UBE2E2: variants seen among roughly 807,000 people sequenced by gnomAD.
UBE2E2 encodes ubiquitin conjugating enzyme E2 E2, also known as ubiquitin-conjugating enzyme E2 E2.
A neutral mutation model predicts 24.7 loss-of-function variants in UBE2E2; 6 were observed. The observed-to-expected ratio is 0.24, with a 90% confidence interval of 0.13 to 0.48. The LOEUF (loss-of-function observed/expected upper bound fraction) is 0.48, where lower values mean the gene tolerates loss of function less well. Among genes scored for constraint, UBE2E2 ranks in the 20% least tolerant of loss-of-function variants. The pLI, the probability that UBE2E2 is intolerant of heterozygous loss-of-function variation, is 0.99. For synonymous variants in UBE2E2, 104 were observed against 83.6 expected, an observed-to-expected ratio of 1.24 and a Z score of -1.33; for missense variants, 169 against 245.0, an observed-to-expected ratio of 0.69 and a Z score of 2.07.
At chr3:23,234,121 G>A (rs965510261) in intron 3 of UBE2E2, among the ~76,000 whole-genome samples, 8 of 151,936 alleles carry the variant, frequency 5.3e-5, no homozygotes, top group African/African-American at 1.7e-4. Context: ...TTGGGTGTGG[G>A]TTGGTGAACT....
intron 3 of UBE2E2, among the ~76,000 whole-genome samples, chr3:23,351,610 A>T (rs1286918644): frequency 3.9e-5 from 6 of 152,168 alleles, no homozygotes; most frequent in Non-Finnish European, 4.4e-5. Context: ...CAGACTTTAA[A>T]CCAACAAAGA....
At chr3:23,473,558 T>A (rs1211278054) in intron 3 of UBE2E2, among the ~76,000 whole-genome samples, 3 of 151,946 alleles carry the variant, frequency 2.0e-5, no homozygotes, top group Admixed American at 6.6e-5. Flanking sequence ...TGAAGCCAAT[T>A]TGTAGTCTCT....
chr3:23,343,865 G>A (rs1408035377), intron 3 of UBE2E2, among the ~76,000 whole-genome samples: 1 of 152,054 alleles, frequency 6.6e-6, no homozygotes, highest in East Asian at 1.9e-4. Context: ...TTTGAGATTC[G>A]TACTTATTTT....
chr3:23,219,984 G>A (rs1410232896), intron 3 of UBE2E2, among the ~76,000 whole-genome samples: 1 of 152,044 alleles, frequency 6.6e-6, no homozygotes, highest in African/African-American at 2.4e-5. Context: ...CTGAATTTTG[G>A]TGCATCTCTT....
intron 4 of UBE2E2, among the ~76,000 whole-genome samples, chr3:23,507,942 A>G (rs1315141554): frequency 6.6e-6 from 1 of 152,226 alleles, no homozygotes; most frequent in Non-Finnish European, 1.5e-5. Context: ...TGTTATATCT[A>G]CGTTAAATAA....
intron 3 of UBE2E2, among the ~76,000 whole-genome samples, chr3:23,218,179 A>T (rs1696530688): frequency 6.6e-6 from 1 of 152,100 alleles, no homozygotes; most frequent in Non-Finnish European, 1.5e-5. Context: ...TTCTGAGTTT[A>T]CTGATCTTAC....
chr3:23,217,989 G>T (rs1323025871), intron 3 of UBE2E2, among the ~76,000 whole-genome samples: 1 of 152,066 alleles, frequency 6.6e-6, no homozygotes, highest in Non-Finnish European at 1.5e-5. Flanking sequence ...TTAGAAGATG[G>T]CTGTTTGGTT....
rs1313470736 is a variant in UBE2E2 at position 23,583,919 on chromosome 3, C to T, written c.509-5815C>T. Among the ~76,000 whole-genome samples the T allele has an allele frequency of 1.3e-5, 2 of 152,112 alleles. No individual in the cohort carries two copies. Among genetic ancestry groups the T allele is most frequent in the East Asian group, 1.9e-4 (1 of 5,194 alleles). ...GAATGCATTTTATTTCTTTCTCTTG[C>T]CTGATTGCTCTGGCTAAGAATTCCA... On this transcript the variant is annotated intron_variant, in intron 5 of 5. Coordinates refer to ENST00000396703, the MANE Select transcript of UBE2E2 (RefSeq NM_152653.4). The surrounding 1 kb of genome is among the most constrained non-coding windows in gnomAD (Gnocchi z 4.1).
At chr3:23,562,535 T>G (rs1559422741) in intron 5 of UBE2E2, among the ~76,000 whole-genome samples, 1 of 152,168 alleles carries the variant, frequency 6.6e-6, no homozygotes, top group Non-Finnish European at 1.5e-5. Context: ...ATTCTCTTTT[T>G]TGGTTGTATC....
At chr3:23,238,951 A>C (rs1290374308) in intron 3 of UBE2E2, among the ~76,000 whole-genome samples, 1 of 152,198 alleles carries the variant, frequency 6.6e-6, no homozygotes, top group Admixed American at 6.5e-5. Context: ...TAGCCGGAGA[A>C]AGAAGATAGT....
chr3:23,571,346 G>C (rs532744366), intron 5 of UBE2E2, among the ~76,000 whole-genome samples: 4 of 125,012 alleles, frequency 3.2e-5, no homozygotes, highest in Non-Finnish European at 6.4e-5. Flanking sequence ...CTAGAATGCA[G>C]TGGCACAATC....
chr3:23,271,356 C>T (rs905377022), intron 3 of UBE2E2, among the ~76,000 whole-genome samples: 5 of 152,152 alleles, frequency 3.3e-5, no homozygotes, highest in Non-Finnish European at 5.9e-5. Flanking sequence ...CAGACCTTCA[C>T]GGTGAGTGTT....
At chr3:23,428,013 A>G (rs1697968616) in intron 3 of UBE2E2, among the ~76,000 whole-genome samples, 1 of 152,236 alleles carries the variant, frequency 6.6e-6, no homozygotes. Context: ...GTGATCCAGC[A>G]GGCAGAAAAT....
At chr3:23,484,930 G>T (rs1699330066) in intron 3 of UBE2E2, among the ~76,000 whole-genome samples, 1 of 152,110 alleles carries the variant, frequency 6.6e-6, no homozygotes, top group Non-Finnish European at 1.5e-5. Context: ...GGGAGCTACA[G>T]TTGAAGAAGA....
At chr3:23,512,515 G>A (rs1158986417) in intron 4 of UBE2E2, among the ~76,000 whole-genome samples, 3 of 140,860 alleles carry the variant, frequency 2.1e-5, no homozygotes, top group Non-Finnish European at 3.1e-5. Flanking sequence ...CTAGTATTAC[G>A]GGCATGAGCC....
At chr3:23,496,743 T>A (rs1294737959) in intron 3 of UBE2E2, among the ~76,000 whole-genome samples, 1 of 152,158 alleles carries the variant, frequency 6.6e-6, no homozygotes, top group East Asian at 1.9e-4. Flanking sequence ...CTTCTGGTGA[T>A]ACACACATGT....
intron 3 of UBE2E2, among the ~76,000 whole-genome samples, chr3:23,430,524 GTTGT>G (rs1042714763): frequency 4.0e-5 from 6 of 151,066 alleles, no homozygotes; most frequent in African/African-American, 1.5e-4. Flanking sequence ...CGTTTTTTTT[GTTGT>G]TTTTTTGTTT....
intron 5 of UBE2E2, among the ~76,000 whole-genome samples, chr3:23,551,839 C>G (rs1240728706): frequency 1.3e-5 from 2 of 152,066 alleles, no homozygotes; most frequent in African/African-American, 4.8e-5. Context: ...TGTGTTCTCC[C>G]CAAAATTAAT....
At chr3:23,289,594 T>C (rs1207720849) in intron 3 of UBE2E2, among the ~76,000 whole-genome samples, 1 of 152,244 alleles carries the variant, frequency 6.6e-6, no homozygotes, top group Non-Finnish European at 1.5e-5. Context: ...AATACTGTAC[T>C]GTGTTACCAT....
Sources: allele counts gnomAD v4.1 joint callset (sites outside exome capture counted in the v4.1 genomes callset), GRCh38; gene constraint gnomAD v4.1.1; non-coding constraint Gnocchi (gnomAD v3.1); transcripts MANE v1.5; gene names NCBI Gene and HGNC (gene_info 2026-07-23, HGNC 2026-07-21).